NOL4: variants seen among roughly 807,000 people sequenced by gnomAD.
NOL4 encodes nucleolar protein 4.
NOL4 carries 17 observed loss-of-function variants against 75.9 expected under a neutral mutation model. The observed-to-expected ratio is 0.22, with a 90% CI of 0.15 to 0.34. NOL4 has a LOEUF of 0.34. Ranked by LOEUF, NOL4 falls within the 10% of genes least tolerant of loss-of-function variation. The pLI is 1.00. For missense variants in NOL4, 614 were observed against 793.5 expected (o/e 0.77, Z 2.72); for synonymous variants, 292 against 289.9 (o/e 1.01, Z -0.07).
intron 4 of NOL4, among the ~76,000 whole-genome samples, chr18:34,097,182 T>G (rs1196351507): frequency 6.6e-6 from 1 of 152,186 alleles, no homozygotes; most frequent in Non-Finnish European, 1.5e-5. Flanking sequence ...ATCCATTGTT[T>G]ATCAAATAAT....
intron 9 of NOL4, among the ~76,000 whole-genome samples, chr18:33,899,434 C>A (rs930302985): frequency 3.3e-5 from 5 of 152,124 alleles, no homozygotes; most frequent in Non-Finnish European, 1.5e-5. Flanking sequence ...CATTGGCTGT[C>A]ATGCAGCAAG....
chr18:34,176,575 G>A (rs2033564524), intron 1 of NOL4, among the ~76,000 whole-genome samples: 1 of 152,026 alleles, frequency 6.6e-6, no homozygotes, highest in Non-Finnish European at 1.5e-5. Context: ...TTGGAAATGG[G>A]GCTTTGGGAG....
At chr18:34,222,709 G>T (rs912288501) in intron 1 of NOL4, among the ~76,000 whole-genome samples, 1 of 152,186 alleles carries the variant, frequency 6.6e-6, no homozygotes, top group Non-Finnish European at 1.5e-5. Context: ...CCGACCCGGG[G>T]AAGGAAGCTC....
At chr18:33,876,730 A>G (rs1567991213) in intron 10 of NOL4, among the ~76,000 whole-genome samples, 1 of 152,098 alleles carries the variant, frequency 6.6e-6, no homozygotes, top group East Asian at 1.9e-4. Context: ...AAAGTACACA[A>G]ATAAAGGACA....
intron 9 of NOL4, among the ~76,000 whole-genome samples, chr18:33,897,283 A>G (rs1270917140): frequency 6.6e-6 from 1 of 152,192 alleles, no homozygotes; most frequent in Non-Finnish European, 1.5e-5. Context: ...CAAGAGGAAT[A>G]GCAATCATCT....
intron 1 of NOL4, among the ~76,000 whole-genome samples, chr18:34,185,543 G>A (rs1490956664): frequency 2.0e-5 from 3 of 151,954 alleles, no homozygotes; most frequent in African/African-American, 7.3e-5. Flanking sequence ...TATTCAAAGG[G>A]AAGAATTTCC....
intron 1 of NOL4, among the ~76,000 whole-genome samples, chr18:34,177,581 A>G (rs912919296): frequency 3.3e-5 from 5 of 151,844 alleles, no homozygotes; most frequent in African/African-American, 1.2e-4. Context: ...TTTAATTAGC[A>G]CAGGTGTGTT....
At chr18:34,044,791 C>G (rs2076288875) in intron 5 of NOL4, among the ~76,000 whole-genome samples, 1 of 152,152 alleles carries the variant, frequency 6.6e-6, no homozygotes, top group Admixed American at 6.6e-5. Flanking sequence ...CGCCACTACT[C>G]TCTTCAAAAA....
chr18:33,892,281 G>T (rs2065138491), intron 9 of NOL4, among the ~76,000 whole-genome samples: 1 of 151,796 alleles, frequency 6.6e-6, no homozygotes, highest in South Asian at 2.1e-4. Context: ...AATTTAAAAA[G>T]CTGGCTGGTA....
intron 9 of NOL4, among the ~76,000 whole-genome samples, chr18:33,929,866 T>C (rs1296201860): frequency 6.6e-6 from 1 of 152,078 alleles, no homozygotes; most frequent in African/African-American, 2.4e-5. Context: ...TCAAAAACCA[T>C]GGAAAATTTA....
At chr18:33,998,626 C>T (rs548834807) in intron 6 of NOL4, among the ~76,000 whole-genome samples, 1 of 152,032 alleles carries the variant, frequency 6.6e-6, no homozygotes, top group East Asian at 1.9e-4. Flanking sequence ...AAGATATGTG[C>T]CCATAGATGG....
intron 5 of NOL4, among the ~76,000 whole-genome samples, chr18:34,028,836 G>A (rs565309950): frequency 1.8e-4 from 28 of 152,290 alleles, no homozygotes; most frequent in African/African-American, 6.5e-4. Context: ...AAGTGGTAGG[G>A]GAGCATTGAG....
At chr18:34,222,335 G>T in intron 1 of NOL4, 1 of 1,247,148 alleles carries the variant, frequency 8.0e-7, no homozygotes, top group Non-Finnish European at 1.0e-6. Flanking sequence ...GGGAAGTGAG[G>T]AAGGGAATGG....
rs1290237714 is a variant in NOL4, at chr18:34,167,669, A to G, written c.265-37649T>C. 2.0e-5 allele frequency among the ~76,000 whole-genome samples: 3 copies of G among 152,048 alleles called. No individual in the cohort carries two copies. In the South Asian group the frequency reaches 6.2e-4, roughly 31 times the overall value. On this transcript the variant is annotated intron_variant, in intron 1 of 10. Transcript: ENST00000261592. ...GTATGTGAAATCTTCAAGGACCCCA[A>G]AATTAAAATTTAAATAAATGCTAAA... is the stretch of plus-strand genomic sequence containing the variant.
intron 1 of NOL4, chr18:34,222,597 C>CA (rs940904979): frequency 7.1e-6 from 3 of 424,348 alleles, no homozygotes; most frequent in African/African-American, 6.4e-5. Context: ...GCCGGGCTTC[C>CA]AGCCTGGCCT....
chr18:34,186,883 A>T (rs1899182697), intron 1 of NOL4, among the ~76,000 whole-genome samples: 1 of 152,178 alleles, frequency 6.6e-6, no homozygotes, highest in African/African-American at 2.4e-5. Context: ...TTCACAGCCA[A>T]ACTGGATAGA....
intron 5 of NOL4, among the ~76,000 whole-genome samples, chr18:34,077,442 C>T (rs1289989806): frequency 6.6e-6 from 1 of 151,886 alleles, no homozygotes; most frequent in Non-Finnish European, 1.5e-5. Flanking sequence ...CACATATATA[C>T]ACACACACAA....
intron 2 of NOL4, among the ~76,000 whole-genome samples, chr18:34,109,457 T>G: frequency 6.6e-6 from 1 of 152,118 alleles, no homozygotes; most frequent in Non-Finnish European, 1.5e-5. Flanking sequence ...AGTTCAAGAC[T>G]GCGGTGAGCT....
At chr18:34,086,495 G>A (rs1266704515) in intron 5 of NOL4, among the ~76,000 whole-genome samples, 1 of 151,998 alleles carries the variant, frequency 6.6e-6, no homozygotes, top group Non-Finnish European at 1.5e-5. Context: ...GTTAACCACT[G>A]AATTTAATTT....
Sources: gnomAD v4.1 joint callset for allele counts (sites outside exome capture counted in the v4.1 genomes callset) on GRCh38, gnomAD v4.1.1 for gene constraint, MANE v1.5 for transcripts, NCBI Gene and HGNC (gene_info 2026-07-23, HGNC 2026-07-21) for gene names.